Variants in SNX31 observed in about 807,000 individuals in gnomAD.
The protein encoded by SNX31 is sorting nexin-31.
Under a neutral mutation model 65.4 loss-of-function variants are expected in SNX31, and 58 were observed. The observed-to-expected ratio is 0.89, with a 90% CI of 0.72 to 1.10. SNX31 has a LOEUF of 1.10. Among genes scored for constraint, SNX31 ranks in the 50% least tolerant of loss-of-function variants. SNX31 has a pLI of 0.00. For missense variants in SNX31, 523 were observed against 529.7 expected (o/e 0.99, Z 0.12); for synonymous variants, 181 against 190.1 (o/e 0.95, Z 0.39).
At chr8:100,631,474 G>C (rs1375495863) in intron 3 of SNX31, among the ~76,000 whole-genome samples, 1 of 120,168 alleles carries the variant, frequency 8.3e-6, no homozygotes, top group Non-Finnish European at 1.6e-5. Flanking sequence ...GTCTTGCTCT[G>C]TCACCCAGGC....
rs1223594242 is a variant in SNX31 at position 100,609,149 on chromosome 8, T to G, written c.612-586A>C. On this transcript the variant is annotated intron_variant, in intron 7 of 13. Coordinates refer to ENST00000311812, the MANE Select transcript of SNX31 (RefSeq NM_152628.4). This position sits in a 1 kb window ranked among gnomAD's most constrained non-coding sequence, Gnocchi z 4.9. ...CTTCCGGGGACCACCCCCACTTTCA[T>G]TTCCAGTTCCATCTCTCACCAACCC... 6.6e-6 allele frequency among the ~76,000 whole-genome samples: 1 copy of G among 152,172 alleles called. No homozygotes were observed. Among genetic ancestry groups the G allele is most frequent in the Non-Finnish European group, 1.5e-5 (1 of 68,012 alleles).
At position 100,625,326 on chromosome 8, in the gene SNX31, C is replaced by T. The variant is rs1367306668; in HGVS notation, c.321+5001G>A. ...CATTTCCCTTGTAGAGAAATGACAGCGGCCCATCATTGCATGTGATGGAGG... is the reference window on the plus strand; with the variant it reads ...CATTTCCCTTGTAGAGAAATGACAGTGGCCCATCATTGCATGTGATGGAGG... On this transcript the variant is annotated intron_variant, in intron 4 of 13. Transcript: ENST00000311812. The surrounding 1 kb of genome is among the most constrained non-coding windows in gnomAD (Gnocchi z 4.2). 2.0e-5 allele frequency among the ~76,000 whole-genome samples: 3 copies of T among 151,320 alleles called. No homozygotes were observed. The highest frequency in any genetic ancestry group is 2.0e-4 in the East Asian group (1 of 5,096).
chr8:100,653,500 G>A (rs955175730), upstream of SNX31, among the ~76,000 whole-genome samples: 1 of 152,206 alleles, frequency 6.6e-6, no homozygotes, highest in Non-Finnish European at 1.5e-5. Context: ...CAGAGGAGAA[G>A]GCCACATGAA....
intron 10 of SNX31, among the ~76,000 whole-genome samples, chr8:100,592,241 A>G (rs1420713089): frequency 6.6e-6 from 1 of 152,228 alleles, no homozygotes; most frequent in East Asian, 1.9e-4. Flanking sequence ...TATAAAAAAG[A>G]TCTAAACAGA....
chr8:100,649,294 G>A lies in SNX31; in HGVS notation c.121C>T (p.Leu41=). ...FLFCRVRYSQ[L]HGWNEQLRRV... ...CTCACCTGTTCGTTCCAACCGTGCA[G>A]CTGGCTGTAGCGCACCCTGCAGAAG... is the stretch of plus-strand genomic sequence containing the variant. The change falls in exon 2 of 14, where the codon CTG becomes TTG. Residue 41 remains leucine (L), a synonymous_variant. Transcript: ENST00000311812. 6.2e-7 allele frequency: 1 copy of A among 1,614,082 alleles called. No individual in the cohort carries two copies. The highest frequency in any genetic ancestry group is 8.5e-7 in the Non-Finnish European group (1 of 1,179,940).
chr8:100,629,624 T>G lies in SNX31; in HGVS notation c.321+703A>C, dbSNP rs1314305529. On this transcript the variant is annotated intron_variant, in intron 4 of 13. Coordinates refer to ENST00000311812, the MANE Select transcript of SNX31 (RefSeq NM_152628.4). This position sits in a 1 kb window ranked among gnomAD's most constrained non-coding sequence, Gnocchi z 5.1. ...ATTCCTCCCCTGGCTAAGGATCCAG[T>G]TAACTAGTATCATATTACTGCGGAA... Among the ~76,000 whole-genome samples the G allele has an allele frequency of 6.6e-6, 1 of 152,236 alleles. No individual in the cohort carries two copies. Among genetic ancestry groups the G allele is most frequent in the Non-Finnish European group, 1.5e-5 (1 of 68,046 alleles).
intron 2 of SNX31, among the ~76,000 whole-genome samples, chr8:100,636,906 A>T (rs538300776): frequency 6.6e-6 from 1 of 152,172 alleles, no homozygotes; most frequent in African/African-American, 2.4e-5. Flanking sequence ...TTTTTAGTAG[A>T]GATAGTGTTT....
chr8:100,624,138 G>A (rs1449730506), intron 4 of SNX31, among the ~76,000 whole-genome samples: 1 of 152,154 alleles, frequency 6.6e-6, no homozygotes, highest in Non-Finnish European at 1.5e-5. Flanking sequence ...ATCACAGTCA[G>A]TGGATAGGGT....
chr8:100,591,227 A>G (rs1814544639), intron 10 of SNX31, among the ~76,000 whole-genome samples: 2 of 152,198 alleles, frequency 1.3e-5, no homozygotes, highest in African/African-American at 4.8e-5. Context: ...GAAAGAGTTC[A>G]TGTTCCCATT....
In SNX31 at chr8:100,636,004, C is replaced by A. The variant is rs373020024; in HGVS notation, c.149G>T (p.Arg50Leu). 3.7e-6 allele frequency: 6 copies of A among 1,613,374 alleles called. No homozygotes were observed. In the African/African-American group the frequency reaches 8.0e-5, roughly 22 times the overall value. ...GGGTGGCAGGCAATTTCCAAAGACCCGCCTTAGCTGAAAGATCCAGGAAAC... is the reference window on the plus strand; with the variant it reads ...GGGTGGCAGGCAATTTCCAAAGACCAGCCTTAGCTGAAAGATCCAGGAAAC... ...QLHGWNEQLRRVFGNCLPPFP... is the reference protein window; with the variant it reads ...QLHGWNEQLRLVFGNCLPPFP... Residue 50 changes from arginine to leucine, a missense_variant, in exon 3 of 14, where the codon CGG becomes CTG. Physicochemically the swap from Arg to Leu is moderately radical, Grantham distance 102 (BLOSUM62 -2). Coordinates refer to ENST00000311812, the MANE Select transcript of SNX31 (RefSeq NM_152628.4).
At chr8:100,606,517 G>C (rs115629253) in intron 8 of SNX31, among the ~76,000 whole-genome samples, 3 of 152,186 alleles carry the variant, frequency 2.0e-5, no homozygotes, top group South Asian at 2.1e-4. Flanking sequence ...CATGGGCTAA[G>C]TTTCTTTCCC....
chr8:100,622,619 C>A lies in SNX31; in HGVS notation c.322-4889G>T, dbSNP rs1817774581. On this transcript the variant is annotated intron_variant, in intron 4 of 13. Transcript: ENST00000311812. The surrounding 1 kb of genome is among the most constrained non-coding windows in gnomAD (Gnocchi z 5.0). Reference sequence around the variant, plus strand: ...TGAACTGAGATTGCACCACTGCACTCCAGCCTGGGTGACAGAGCAAGACTC... The same window carrying A: ...TGAACTGAGATTGCACCACTGCACTACAGCCTGGGTGACAGAGCAAGACTC... 6.6e-6 allele frequency among the ~76,000 whole-genome samples: 1 copy of A among 151,540 alleles called. No homozygotes were observed. The highest frequency in any genetic ancestry group is 2.4e-5 in the African/African-American group (1 of 41,230).
At chr8:100,638,483 G>T (rs981812089) in intron 2 of SNX31, among the ~76,000 whole-genome samples, 1 of 152,190 alleles carries the variant, frequency 6.6e-6, no homozygotes, top group Non-Finnish European at 1.5e-5. Flanking sequence ...CTAACATCTG[G>T]AATGGTTATT....
chr8:100,603,076 C>G (rs549089158), intron 8 of SNX31, among the ~76,000 whole-genome samples: 8 of 152,236 alleles, frequency 5.3e-5, no homozygotes, highest in Admixed American at 1.3e-4. Context: ...CTACATCAAG[C>G]CCTTCTTCCC....
intron 12 of SNX31, among the ~76,000 whole-genome samples, chr8:100,583,279 T>C (rs1433007896): frequency 6.6e-6 from 1 of 151,814 alleles, no homozygotes; most frequent in Non-Finnish European, 1.5e-5. Flanking sequence ...GTTAATTTCG[T>C]ATATTTAGTG....
chr8:100,602,675 GT>G (rs1317329191), intron 8 of SNX31, among the ~76,000 whole-genome samples: 1 of 152,204 alleles, frequency 6.6e-6, no homozygotes, highest in Non-Finnish European at 1.5e-5. Flanking sequence ...GAACACAAGT[GT>G]TGGGATACCA....
Position 100,649,550 on chromosome 8 carries a change from C to T in SNX31, c.-36G>A. The T allele has an allele frequency of 6.5e-7, 1 of 1,543,312 alleles. No homozygotes were observed. The highest frequency in any genetic ancestry group is 8.8e-7 in the Non-Finnish European group (1 of 1,141,350). On this transcript the variant is annotated 5_prime_UTR_variant, in exon 1 of 14. Transcript: ENST00000311812. ...TGTCTTGGGAGTAGCGCTGGGAACC[C>T]GACCTGCGGCGGCGGGCGGTGCGCG...
chr8:100,657,743 G>A (rs1445248257), intron 1 of SNX31: 5 of 455,446 alleles, frequency 1.1e-5, no homozygotes, highest in Non-Finnish European at 2.2e-5. Flanking sequence ...GTCCAGAGGT[G>A]AAGAATGAAG....
intron 9 of SNX31, among the ~76,000 whole-genome samples, chr8:100,597,918 C>T (rs528406155): frequency 5.8e-4 from 88 of 152,308 alleles, no homozygotes; most frequent in African/African-American, 2.1e-3. Flanking sequence ...TTCCAGCTTT[C>T]GCCATGGGCC....
Sources: gnomAD v4.1 joint callset for allele counts (sites outside exome capture counted in the v4.1 genomes callset) on GRCh38, gnomAD v4.1.1 for gene constraint, Gnocchi (gnomAD v3.1) non-coding constraint, MANE v1.5 for transcripts, NCBI Gene and HGNC (gene_info 2026-07-23, HGNC 2026-07-21) for gene names.